SUMF1: variants seen among roughly 807,000 people sequenced by gnomAD.
The protein encoded by SUMF1 is formylglycine-generating enzyme.
Under a neutral mutation model 47.6 loss-of-function variants are expected in SUMF1, and 48 were observed. The ratio of observed to expected loss-of-function variants is 1.01; its 90% CI spans 0.80 to 1.28. The LOEUF (loss-of-function observed/expected upper bound fraction) is 1.28, where lower values mean the gene tolerates loss of function less well. Among genes scored for constraint, SUMF1 ranks in the 50% most tolerant of loss-of-function variants. SUMF1 has a pLI of 0.00. For missense variants in SUMF1, 571 were observed against 485.4 expected (o/e 1.18, Z -1.66); for synonymous variants, 230 against 192.1 (o/e 1.20, Z -1.63).
chr3:4,326,975 T>C (rs1311255883), intron 8 of SUMF1, among the ~76,000 whole-genome samples: 1 of 152,204 alleles, frequency 6.6e-6, no homozygotes, highest in Non-Finnish European at 1.5e-5. Flanking sequence ...CTTGCTGAAC[T>C]TATGCAAATA....
chr3:4,087,686 A>G (rs1692700801), intron 8 of SUMF1, among the ~76,000 whole-genome samples: 1 of 152,112 alleles, frequency 6.6e-6, no homozygotes, highest in African/African-American at 2.4e-5. Context: ...GCAATCAAAC[A>G]AAATATTATA....
At chr3:4,127,199 A>G (rs1471552675) in intron 8 of SUMF1, among the ~76,000 whole-genome samples, 2 of 152,222 alleles carry the variant, frequency 1.3e-5, no homozygotes, top group East Asian at 3.8e-4. Context: ...ATACCAACCT[A>G]GAGAGCTGAA....
At chr3:4,059,727 A>C (rs528911417) in intron 9 of SUMF1, among the ~76,000 whole-genome samples, 5 of 142,130 alleles carry the variant, frequency 3.5e-5, no homozygotes, top group African/African-American at 1.2e-4. Context: ...ATTAACGCAT[A>C]ATCACAAATC....
chr3:4,169,892 GC>G (rs1267237171), intron 8 of SUMF1, among the ~76,000 whole-genome samples: 1 of 152,188 alleles, frequency 6.6e-6, no homozygotes, highest in East Asian at 1.9e-4. Context: ...GAACTACTCA[GC>G]AAGAGAGTTT....
At chr3:4,262,201 C>A (rs777579808) in intron 8 of SUMF1, among the ~76,000 whole-genome samples, 2 of 152,086 alleles carry the variant, frequency 1.3e-5, no homozygotes, top group African/African-American at 2.4e-5. Context: ...GTGCCCTTTC[C>A]TTGGGCCAGG....
chr3:4,264,502 C>T (rs907271278), intron 8 of SUMF1, among the ~76,000 whole-genome samples: 2 of 152,126 alleles, frequency 1.3e-5, no homozygotes, highest in African/African-American at 4.8e-5. Context: ...AGCATCAGAA[C>T]ACTTTTTTTT....
rs148385149 is a variant in SUMF1 at position 4,074,960 on chromosome 3, T to C, written c.1015-6215A>G. On this transcript the variant is annotated intron_variant and NMD_transcript_variant, in intron 8 of 12. Transcript: ENST00000448413. ...TTCCTTCTGAAACTATTCCAATGAATAGAAAAAGAGGGAATCCTCCCTAAC... is the reference window on the plus strand; with the variant it reads ...TTCCTTCTGAAACTATTCCAATGAACAGAAAAAGAGGGAATCCTCCCTAAC... Among the ~76,000 whole-genome samples the C allele has an allele frequency of 6.1e-3, 935 of 152,052 alleles. 9 individuals carry two copies. The highest frequency in any genetic ancestry group is 9.2e-3 in the Non-Finnish European group (626 of 67,974).
intron 8 of SUMF1, among the ~76,000 whole-genome samples, chr3:4,132,278 T>G (rs1162803116): frequency 6.6e-6 from 1 of 152,116 alleles, no homozygotes; most frequent in African/African-American, 2.4e-5. Flanking sequence ...ACTTTATGGC[T>G]AAAGAAGTGC....
chr3:4,128,643 C>T (rs546960991), intron 8 of SUMF1, among the ~76,000 whole-genome samples: 141 of 152,160 alleles, frequency 9.3e-4, no homozygotes, highest in Non-Finnish European at 1.5e-3. Flanking sequence ...AGGTTCAGAG[C>T]GTGACCCATG....
chr3:4,258,729 G>C lies in SUMF1; in HGVS notation c.1014+117601C>G, dbSNP rs950054033. Among the ~76,000 whole-genome samples the C allele has an allele frequency of 7.0e-4, 100 of 142,916 alleles. 2 individuals are homozygous for C. The highest frequency in any genetic ancestry group is 3.6e-3 in the Middle Eastern group (1 of 276). 93.8% of individuals were successfully genotyped at this position (142,916 alleles called of 152,430 possible). A position where few individuals can be genotyped will look rare whatever the true frequency, so the allele number is the denominator to read the frequency against. ...GTGATTCCTCAGGGATCTAGAACTA[G>C]AAATACCATTTGACCCAGCCATCCC... On this transcript the variant is annotated intron_variant and NMD_transcript_variant, in intron 8 of 12. Coordinates refer to the SUMF1 transcript ENST00000448413.
At chr3:4,331,280 T>C (rs1699047382) in intron 8 of SUMF1, among the ~76,000 whole-genome samples, 1 of 152,138 alleles carries the variant, frequency 6.6e-6, no homozygotes, top group Admixed American at 6.5e-5. Context: ...AAAAACCACA[T>C]TTTCATGCCT....
intron 7 of SUMF1, among the ~76,000 whole-genome samples, chr3:4,396,580 A>G (rs1204298956): frequency 6.6e-6 from 1 of 152,116 alleles, no homozygotes; most frequent in Non-Finnish European, 1.5e-5. Context: ...GTCCTTCCCC[A>G]CCAACCATTT....
chr3:4,144,344 G>A (rs1212417054), intron 8 of SUMF1, among the ~76,000 whole-genome samples: 1 of 152,056 alleles, frequency 6.6e-6, no homozygotes, highest in Non-Finnish European at 1.5e-5. Context: ...GAAAAGAGGT[G>A]ATAGAAATGT....
chr3:4,374,754 T>G (rs1305866411), intron 8 of SUMF1, among the ~76,000 whole-genome samples: 1 of 152,196 alleles, frequency 6.6e-6, no homozygotes, highest in Non-Finnish European at 1.5e-5. Context: ...CCAGGTACAT[T>G]TGTAGCAATA....
At chr3:4,065,412 A>G (rs2125030151) in intron 9 of SUMF1, among the ~76,000 whole-genome samples, 1 of 152,254 alleles carries the variant, frequency 6.6e-6, no homozygotes, top group East Asian at 1.9e-4. Flanking sequence ...CTGCAGTTCA[A>G]GTTTCCATCC....
At chr3:4,188,179 C>CTTTTTTTTTTTTTTTTTTTTTT (rs112944580) in intron 8 of SUMF1, among the ~76,000 whole-genome samples, 1 of 144,500 alleles carries the variant, frequency 6.9e-6, no homozygotes, top group Non-Finnish European at 1.5e-5. Context: ...TTAGGGTTCA[C>CTTTTTTTTTTTTTTTTTTTTTT]TTTTTTTTTT....
chr3:4,294,114 C>T (rs1244348935), intron 8 of SUMF1, among the ~76,000 whole-genome samples: 2 of 152,048 alleles, frequency 1.3e-5, no homozygotes, highest in African/African-American at 4.8e-5. Flanking sequence ...CTGCCTACTT[C>T]GTGGAATTGT....
At chr3:4,116,857 A>G (rs1693434740) in intron 8 of SUMF1, among the ~76,000 whole-genome samples, 1 of 152,146 alleles carries the variant, frequency 6.6e-6, no homozygotes, top group African/African-American at 2.4e-5. Flanking sequence ...CATGAGTCCA[A>G]ATCTGTCACC....
At chr3:4,386,851 T>C (rs950348206) in intron 7 of SUMF1, among the ~76,000 whole-genome samples, 2 of 151,912 alleles carry the variant, frequency 1.3e-5, no homozygotes, top group Non-Finnish European at 2.9e-5. Context: ...TCTGCACTGA[T>C]ATAATCATGT....
Sources: allele counts gnomAD v4.1 joint callset (sites outside exome capture counted in the v4.1 genomes callset), GRCh38; gene constraint gnomAD v4.1.1; transcripts MANE v1.5; gene names NCBI Gene and HGNC (gene_info 2026-07-23, HGNC 2026-07-21).